The following MRPS18A variants were observed in gnomAD, a reference collection of about 807,000 sequenced individuals.
MRPS18A encodes the protein mitochondrial ribosomal protein S18A, also known as large ribosomal subunit protein mL66.
MRPS18A carries 20 observed loss-of-function variants against 22.7 expected under a neutral mutation model. The observed-to-expected ratio is 0.88, with a 90% CI of 0.62 to 1.28. MRPS18A has a LOEUF of 1.28. Ranked by LOEUF, MRPS18A falls within the 50% of genes most tolerant of loss-of-function variation. MRPS18A has a pLI of 0.00. For synonymous variants in MRPS18A, 106 were observed against 99.1 expected (o/e 1.07, Z -0.41); for missense variants, 294 against 262.6 (o/e 1.12, Z -0.83).
intron 3 of MRPS18A, among the ~76,000 whole-genome samples, chr6:43,676,851 C>T (rs1774082105): frequency 6.6e-6 from 1 of 152,222 alleles, no homozygotes; most frequent in African/African-American, 2.4e-5. Flanking sequence ...CCCAGGCCTT[C>T]AATTCCCACC....
At chr6:43,672,076 C>G (rs1020704330) in intron 5 of MRPS18A, 170 bp from the exon 6 acceptor site, 3 of 796,662 alleles carry the variant, frequency 3.8e-6, no homozygotes, top group Non-Finnish European at 5.8e-6. Flanking sequence ...GCTGAGCGTC[C>G]TGTAAACAGA....
intron 1 of MRPS18A, among the ~76,000 whole-genome samples, chr6:43,681,727 T>TGGGGGGG (rs1774425577): frequency 6.6e-6 from 1 of 152,212 alleles, no homozygotes; most frequent in South Asian, 2.1e-4. Context: ...AGAGTGTTGA[T>TGGGGGGG]GGATGCGGTA....
intron 5 of MRPS18A, chr6:43,672,186 T>A (rs1773753114): frequency 1.9e-6 from 1 of 525,826 alleles, no homozygotes; most frequent in Non-Finnish European, 3.6e-6. Context: ...TTGGTGTGTG[T>A]TTGCTGAGGA....
chr6:43,685,223 T>G lies in MRPS18A; in HGVS notation c.112+2445A>C, dbSNP rs192167144. Among the ~76,000 whole-genome samples, 329 of 152,326 alleles carry G rather than the reference T, an allele frequency of 2.2e-3. 3 individuals carry two copies. Among genetic ancestry groups the G allele is most frequent in the African/African-American group, 6.8e-3 (282 of 41,564 alleles). On this transcript the variant is annotated intron_variant, in intron 1 of 5. Coordinates refer to ENST00000372133, the MANE Select transcript of MRPS18A (RefSeq NM_018135.4). ...TTAAGGTGTTTTTGAGAAGACTGAA[T>G]AAATGTATGTGGAAAACCTAGCACA...
intron 4 of MRPS18A, 97 bp from the exon 5 acceptor site, chr6:43,675,368 G>C (rs1262673897): frequency 1.9e-6 from 3 of 1,590,374 alleles, no homozygotes; most frequent in Admixed American, 3.4e-5. Flanking sequence ...GTTGGCATTG[G>C]GTGGTGAGTA....
At chr6:43,678,366 C>A in intron 3 of MRPS18A, 152 bp downstream of exon 3, 2 of 609,124 alleles carry the variant, frequency 3.3e-6, no homozygotes, top group East Asian at 5.9e-5. Context: ...AATGTGCAGC[C>A]AGGGTTGAGA....
intron 3 of MRPS18A, among the ~76,000 whole-genome samples, chr6:43,678,103 C>A (rs950054842): frequency 6.6e-6 from 1 of 152,090 alleles, no homozygotes; most frequent in Non-Finnish European, 1.5e-5. Flanking sequence ...CACGACCAGA[C>A]CACAAACTCA....
rs576897555 is a variant in MRPS18A, at chr6:43,671,549, C to A, written c.*213G>T. 19 of 605,002 alleles carry A rather than the reference C, an allele frequency of 3.1e-5. 1 individual carries two copies. The Admixed American group carries it at 4.5e-4, about 14-fold the overall frequency. The allele number at this position is 605,002 out of a possible 1,614,324, so 37.5% of individuals were successfully genotyped here. ...AGCCCCATAGCAGCTGGCAAGGGAC[C>A]CAACTGCCCTGCCTGCCTCTAGCTC... On this transcript the variant is annotated 3_prime_UTR_variant, in exon 6 of 6. Transcript: ENST00000372133.
Position 43,671,713 on chromosome 6 carries a change from C to T in MRPS18A, c.*49G>A. The T allele has an allele frequency of 6.2e-7, 1 of 1,611,592 alleles. No individual in the cohort carries two copies. Among genetic ancestry groups the T allele is most frequent in the African/African-American group, 1.3e-5 (1 of 74,976 alleles). ...GGCCAAGGGCTTGTGAGTGGGCCTCCTACTCCCCAGCACAGGTGCAGGAGG... is the reference window on the plus strand; with the variant it reads ...GGCCAAGGGCTTGTGAGTGGGCCTCTTACTCCCCAGCACAGGTGCAGGAGG... On this transcript the variant is annotated 3_prime_UTR_variant, in exon 6 of 6. Transcript: ENST00000372133.
Position 43,673,559 on chromosome 6 carries a change from C to T in MRPS18A, c.446+1643G>A, listed in dbSNP as rs533385485. ...CCTTGGGCCTGATGCCTGCGCCACACGGAGCGGCCAGCTGGCAGGGGGTGG... is the reference window on the plus strand; with the variant it reads ...CCTTGGGCCTGATGCCTGCGCCACATGGAGCGGCCAGCTGGCAGGGGGTGG... On this transcript the variant is annotated intron_variant, in intron 5 of 5. Coordinates refer to ENST00000372133, the MANE Select transcript of MRPS18A (RefSeq NM_018135.4). The surrounding 1 kb of genome is among the most constrained non-coding windows in gnomAD (Gnocchi z 4.2). Among the ~76,000 whole-genome samples the T allele has an allele frequency of 1.3e-5, 2 of 152,346 alleles. No individual in the cohort carries two copies. The highest frequency in any genetic ancestry group is 2.1e-4 in the South Asian group (1 of 4,828).
At chr6:43,681,065 C>T in intron 2 of MRPS18A, 24 bp downstream of exon 2, 2 of 1,612,286 alleles carry the variant, frequency 1.2e-6, no homozygotes, top group South Asian at 2.2e-5. Flanking sequence ...AGAGGTTATA[C>T]ATGGCCAACT....
intron 1 of MRPS18A, 68 bp downstream of exon 1, chr6:43,687,600 C>T (rs1223129864): frequency 7.5e-7 from 1 of 1,341,986 alleles, no homozygotes; most frequent in East Asian, 2.5e-5. Flanking sequence ...AGGAGCGCAC[C>T]GGGGCTGGCG....
At chr6:43,678,131 C>CTGGTTGCA (rs1774163878) in intron 3 of MRPS18A, among the ~76,000 whole-genome samples, 1 of 152,132 alleles carries the variant, frequency 6.6e-6, no homozygotes, top group South Asian at 2.1e-4. Flanking sequence ...GCTCTCAACC[C>CTGGTTGCA]TGGTTGCACA....
In MRPS18A at chr6:43,675,187, C is replaced by T. The variant is rs751110566; in HGVS notation, c.446+15G>A. 5 of 1,511,304 alleles carry T rather than the reference C, an allele frequency of 3.3e-6. No homozygotes were observed. In the East Asian group the frequency reaches 6.9e-5, roughly 21 times the overall value. 93.6% of individuals were successfully genotyped at this position (1,511,304 alleles called of 1,614,324 possible). A position where few individuals can be genotyped will look rare whatever the true frequency, so the allele number is the denominator to read the frequency against. The stretch of plus-strand genomic sequence containing the variant: ...GCGCAGAACGCTCAGGTTGTTCACA[C>T]CCAGGCTTGCTTACCGGTTGAGTTG... On this transcript the variant is annotated intron_variant, in intron 5 of 5. Coordinates refer to ENST00000372133, the MANE Select transcript of MRPS18A (RefSeq NM_018135.4).
Position 43,673,294 on chromosome 6 carries a change from G to A in MRPS18A, c.447-1388C>T, listed in dbSNP as rs951083724. The stretch of plus-strand genomic sequence containing the variant: ...TGAGGGGACTGCTTTTTCTATGGTC[G>A]GTGGTTCTAGGTGACAGAAGAGTAA... On this transcript the variant is annotated intron_variant, in intron 5 of 5. Coordinates refer to ENST00000372133, the MANE Select transcript of MRPS18A (RefSeq NM_018135.4). This position sits in a 1 kb window ranked among gnomAD's most constrained non-coding sequence, Gnocchi z 4.2. Among the ~76,000 whole-genome samples the A allele has an allele frequency of 5.9e-5, 9 of 152,050 alleles. No individual in the cohort carries two copies. Among genetic ancestry groups the A allele is most frequent in the Non-Finnish European group, 1.0e-4 (7 of 68,004 alleles).
rs1047378912 is a variant in MRPS18A, at chr6:43,673,879, G to A, written c.446+1323C>T. Among the ~76,000 whole-genome samples, 4 of 152,224 alleles carry A rather than the reference G, an allele frequency of 2.6e-5. No individual in the cohort carries two copies. Among genetic ancestry groups the A allele is most frequent in the East Asian group, 1.9e-4 (1 of 5,192 alleles). The stretch of plus-strand genomic sequence containing the variant: ...CCACACATCATCAATCCTGTGTCAC[G>A]TTAAAGGATGCCGGATGTATGGGAG... On this transcript the variant is annotated intron_variant, in intron 5 of 5. Transcript: ENST00000372133. The surrounding 1 kb of genome is among the most constrained non-coding windows in gnomAD (Gnocchi z 4.2).
At chr6:43,677,275 A>G (rs909996967) in intron 3 of MRPS18A, among the ~76,000 whole-genome samples, 1 of 152,110 alleles carries the variant, frequency 6.6e-6, no homozygotes, top group African/African-American at 2.4e-5. Flanking sequence ...CATCAGGAGA[A>G]GGGCCCCAGG....
Position 43,687,760 on chromosome 6 carries a change from A to G in MRPS18A, c.20T>C (p.Leu7Pro). MAALKALVSGCGRLLRG... is the reference protein window; with the variant it reads MAALKAPVSGCGRLLRG... Reference sequence around the variant, plus strand: ...GAGAAGCCGCCCACAGCCGGACACCAGAGCCTTGAGGGCCGCCATCTTCAA... The same window carrying G: ...GAGAAGCCGCCCACAGCCGGACACCGGAGCCTTGAGGGCCGCCATCTTCAA... Residue 7 changes from leucine (L) to proline (P), a missense_variant, in exon 1 of 6, where the codon CTG becomes CCG. Leu to Pro is a moderately conservative substitution (Grantham distance 98). Transcript: ENST00000372133. 2 of 1,580,126 alleles carry G rather than the reference A, an allele frequency of 1.3e-6. No individual in the cohort carries two copies. The highest frequency in any genetic ancestry group is 2.3e-5 in the East Asian group (1 of 43,736).
rs533385485 is a variant in MRPS18A at position 43,673,559 on chromosome 6, C to G, written c.446+1643G>C. Among the ~76,000 whole-genome samples, 5 of 152,228 alleles carry G rather than the reference C, an allele frequency of 3.3e-5. No individual in the cohort carries two copies. Among genetic ancestry groups the G allele is most frequent in the Non-Finnish European group, 5.9e-5 (4 of 68,032 alleles). ...CCTTGGGCCTGATGCCTGCGCCACA[C>G]GGAGCGGCCAGCTGGCAGGGGGTGG... On this transcript the variant is annotated intron_variant, in intron 5 of 5. Coordinates refer to ENST00000372133, the MANE Select transcript of MRPS18A (RefSeq NM_018135.4). This position sits in a 1 kb window ranked among gnomAD's most constrained non-coding sequence, Gnocchi z 4.2.
Sources: gnomAD v4.1 joint callset for allele counts (sites outside exome capture counted in the v4.1 genomes callset) on GRCh38, gnomAD v4.1.1 for gene constraint, Gnocchi (gnomAD v3.1) non-coding constraint, MANE v1.5 for transcripts, NCBI Gene and HGNC (gene_info 2026-07-23, HGNC 2026-07-21) for gene names.